The following PRKCZ variants were observed in gnomAD, a reference collection of about 807,000 sequenced individuals.
PRKCZ encodes protein kinase C zeta.
Under a neutral mutation model 79.5 loss-of-function variants are expected in PRKCZ, and 33 were observed. The observed-to-expected ratio is 0.41, with a 90% CI of 0.31 to 0.55. The LOEUF (loss-of-function observed/expected upper bound fraction) is 0.55, where lower values mean the gene tolerates loss of function less well. PRKCZ is among the 20% of genes least tolerant of loss of function. The pLI is 0.19. For synonymous variants in PRKCZ, 342 were observed against 320.9 expected (o/e 1.07, Z -0.70); for missense variants, 578 against 813.5 (o/e 0.71, Z 3.52).
chr1:2,055,324 T>C (rs1209474658), intron 1 of PRKCZ, 117 bp from the exon 2 acceptor site: 2 of 1,296,932 alleles, frequency 1.5e-6, no homozygotes, highest in South Asian at 3.1e-5. Context: ...GGCTGTCATA[T>C]TGTCTTTGGG....
chr1:2,090,476 T>C (rs1665297805), intron 4 of PRKCZ, among the ~76,000 whole-genome samples: 1 of 149,296 alleles, frequency 6.7e-6, no homozygotes, highest in Non-Finnish European at 1.5e-5. Context: ...GTCTCACCAC[T>C]GAGGGGATGC....
In PRKCZ at chr1:2,149,322, C is replaced by T. The variant is rs962720033; in HGVS notation, c.687+398C>T. Among the ~76,000 whole-genome samples, 2 of 152,230 alleles carry T rather than the reference C, an allele frequency of 1.3e-5. No individual in the cohort carries two copies. Among genetic ancestry groups the T allele is most frequent in the African/African-American group, 4.8e-5 (2 of 41,458 alleles). ...CCTGGCAAACCCTCTGAAGCCCTTT[C>T]ATGTCCTTCCCCAACTTGAGCCAAG... On this transcript the variant is annotated intron_variant, in intron 8 of 17. Coordinates refer to ENST00000378567, the MANE Select transcript of PRKCZ (RefSeq NM_002744.6). The surrounding 1 kb of genome is among the most constrained non-coding windows in gnomAD (Gnocchi z 4.1).
At chr1:2,058,601 A>G (rs999096638) in intron 3 of PRKCZ, among the ~76,000 whole-genome samples, 2 of 152,150 alleles carry the variant, frequency 1.3e-5, no homozygotes, top group African/African-American at 2.4e-5. Flanking sequence ...TTTTCTAGAT[A>G]AAAGAAAAAT....
chr1:2,174,079 G>C lies in PRKCZ; in HGVS notation c.1405+63G>C, dbSNP rs1684983781. On this transcript the variant is annotated intron_variant, in intron 14 of 17. Coordinates refer to ENST00000378567, the MANE Select transcript of PRKCZ (RefSeq NM_002744.6). This position sits in a 1 kb window ranked among gnomAD's most constrained non-coding sequence, Gnocchi z 6.2. ...ACGACTGTCTTCCTTCCTTTTCAAA[G>C]GTGCAGGTGGAGGGGTCCCGCGGGT... is the stretch of plus-strand genomic sequence containing the variant. The C allele has an allele frequency of 6.6e-7, 1 of 1,510,146 alleles. No individual in the cohort carries two copies. Among genetic ancestry groups the C allele is most frequent in the Non-Finnish European group, 8.9e-7 (1 of 1,122,672 alleles). The allele number at this position is 1,510,146 out of a possible 1,614,324, so 93.5% of individuals were successfully genotyped here. A position where few individuals can be genotyped will look rare whatever the true frequency, so the allele number is the denominator to read the frequency against.
chr1:2,083,344 A>G (rs958565082), intron 4 of PRKCZ, among the ~76,000 whole-genome samples: 2 of 152,074 alleles, frequency 1.3e-5, no homozygotes, highest in African/African-American at 4.8e-5. Flanking sequence ...CACCACATTC[A>G]TGAAAATTAC....
chr1:2,054,388 C>T (rs1009978103), intron 1 of PRKCZ, among the ~76,000 whole-genome samples: 5 of 152,140 alleles, frequency 3.3e-5, no homozygotes, highest in African/African-American at 9.7e-5. Context: ...CTCCCCTCCA[C>T]GCAGGGTGAG....
At chr1:2,131,836 G>A (rs1487746128) in intron 4 of PRKCZ, among the ~76,000 whole-genome samples, 1 of 152,212 alleles carries the variant, frequency 6.6e-6, no homozygotes, top group Non-Finnish European at 1.5e-5. Flanking sequence ...GTTTTTGAGA[G>A]AGTCTCGCTC....
chr1:2,178,356 C>T lies in PRKCZ; in HGVS notation c.1575+3043C>T, dbSNP rs574177760. Among the ~76,000 whole-genome samples the T allele has an allele frequency of 2.0e-5, 3 of 152,218 alleles. No individual in the cohort carries two copies. Among genetic ancestry groups the T allele is most frequent in the South Asian group, 2.1e-4 (1 of 4,830 alleles). On this transcript the variant is annotated intron_variant, in intron 16 of 17. Transcript: ENST00000378567. The surrounding 1 kb of genome is among the most constrained non-coding windows in gnomAD (Gnocchi z 4.3). The stretch of plus-strand genomic sequence containing the variant: ...CACAAGCTGCACCCACACAGTAGCA[C>T]GTGGCACTGCCTCCTTCCTGCGCTG...
At chr1:2,159,858 G>C (rs1214748836) in intron 10 of PRKCZ, among the ~76,000 whole-genome samples, 1 of 152,092 alleles carries the variant, frequency 6.6e-6, no homozygotes, top group Non-Finnish European at 1.5e-5. Context: ...ACGAGAAATC[G>C]CTTCAGTTTA....
intron 7 of PRKCZ, 55 bp from the exon 8 acceptor site, chr1:2,148,817 C>G: frequency 6.4e-7 from 1 of 1,571,926 alleles, no homozygotes; most frequent in East Asian, 2.2e-5. Flanking sequence ...CGCTGTGTTC[C>G]CAGTGCGTTC....
chr1:2,069,495 G>T, intron 4 of PRKCZ, among the ~76,000 whole-genome samples: 1 of 152,220 alleles, frequency 6.6e-6, no homozygotes, highest in East Asian at 1.9e-4. Context: ...GTAAAACGGG[G>T]TGATTGTAAA....
In PRKCZ at chr1:2,173,865, C is replaced by T. The variant is rs1231766770; in HGVS notation, c.1286-32C>T. 1.9e-6 allele frequency: 3 copies of T among 1,554,082 alleles called. No homozygotes were observed. The highest frequency in any genetic ancestry group is 1.4e-5 in the African/African-American group (1 of 72,550). ...CGTCCTGCTGCCGGCCCATGTGGCC[C>T]CACTCGGTGATGGCTGTGTGCTCTC... On this transcript the variant is annotated intron_variant, in intron 13 of 17. Coordinates refer to ENST00000378567, the MANE Select transcript of PRKCZ (RefSeq NM_002744.6). This position sits in a 1 kb window ranked among gnomAD's most constrained non-coding sequence, Gnocchi z 5.7.
In PRKCZ at chr1:2,057,696, C is replaced by G. The variant is rs527891632; in HGVS notation, c.283+1123C>G. ...ACCTGGGCAACATAGTGAGACCCCC[C>G]CCTCTCCAAAACTTGTTTTATTTTT... On this transcript the variant is annotated intron_variant, in intron 3 of 17. Transcript: ENST00000378567. Among the ~76,000 whole-genome samples, 34 of 152,110 alleles carry G rather than the reference C, an allele frequency of 2.2e-4. 1 individual carries two copies. The South Asian group carries it at 6.2e-3, about 28-fold the overall frequency.
At chr1:2,087,467 G>T (rs1258305597) in intron 4 of PRKCZ, among the ~76,000 whole-genome samples, 1 of 152,194 alleles carries the variant, frequency 6.6e-6, no homozygotes, top group Non-Finnish European at 1.5e-5. Flanking sequence ...GCCCCACCAC[G>T]CAGAGAGCTG....
intron 4 of PRKCZ, chr1:2,133,597 C>T (rs922808303): frequency 1.4e-5 from 2 of 148,016 alleles, no homozygotes; most frequent in African/African-American, 5.0e-5. Flanking sequence ...GACTCCGCCC[C>T]CGGCTGTGCG....
At chr1:2,120,070 T>C (rs1296826497) in intron 4 of PRKCZ, among the ~76,000 whole-genome samples, 1 of 151,922 alleles carries the variant, frequency 6.6e-6, no homozygotes, top group Non-Finnish European at 1.5e-5. Context: ...TGGCTTGGAG[T>C]GTTTGTCATT....
intron 16 of PRKCZ, chr1:2,182,738 G>C (rs1368528089): frequency 5.2e-4 from 81 of 154,738 alleles, no homozygotes; most frequent in Admixed American, 5.2e-3. Flanking sequence ...GAGTCAGTGG[G>C]TGCCTGTTGT....
chr1:2,133,679 C>T (rs1199046286), intron 4 of PRKCZ: 4 of 153,252 alleles, frequency 2.6e-5, no homozygotes, highest in East Asian at 3.9e-4. Flanking sequence ...GTCTGTCCCT[C>T]GACTCGGCCC....
At chr1:2,175,430 AC>A in intron 16 of PRKCZ, 117 bp downstream of exon 16, 1 of 728,276 alleles carries the variant, frequency 1.4e-6, no homozygotes, top group Non-Finnish European at 2.1e-6. Context: ...CCCCATCCGA[AC>A]CCCAATATCC....
Sources: allele counts gnomAD v4.1 joint callset (sites outside exome capture counted in the v4.1 genomes callset), GRCh38; gene constraint gnomAD v4.1.1; non-coding constraint Gnocchi (gnomAD v3.1); transcripts MANE v1.5; gene names NCBI Gene and HGNC (gene_info 2026-07-23, HGNC 2026-07-21).